Variants in TECPR2 observed in about 807,000 individuals in gnomAD.
TECPR2 encodes tectonin beta-propeller repeat-containing protein 2.
A neutral mutation model predicts 138.1 loss-of-function variants in TECPR2; 65 were observed. The observed-to-expected ratio is 0.47, with a 90% CI of 0.39 to 0.58. The LOEUF is 0.58. Ranked by LOEUF, TECPR2 falls within the 20% of genes least tolerant of loss-of-function variation. The probability of loss-of-function intolerance (pLI) is 0.00; values close to 1 mark genes in which losing one functional copy is unlikely to be tolerated. For synonymous variants in TECPR2, 746 were observed against 749.8 expected (o/e 0.99, Z 0.08); for missense variants, 1,553 against 1,824.5 (o/e 0.85, Z 2.71).
rs1161267667 is a variant in TECPR2 at position 102,501,336 on chromosome 14, G to C, written c.*3079G>C. 1 of 152,242 alleles carries C rather than the reference G, an allele frequency of 6.6e-6. No homozygotes were observed. The highest frequency in any genetic ancestry group is 1.5e-5 in the Non-Finnish European group (1 of 68,050). 9.4% of individuals were successfully genotyped at this position (152,242 alleles called of 1,614,324 possible). ...AGGCTTTCTAAACTCAAAAGTGATA[G>C]GACAAGCTACAGAGGAAAATAAGTA... On this transcript the variant is annotated 3_prime_UTR_variant, in exon 20 of 20. Transcript: ENST00000359520.
chr14:102,396,164 G>A (rs550872458), intron 2 of TECPR2, among the ~76,000 whole-genome samples: 2 of 150,368 alleles, frequency 1.3e-5, no homozygotes, highest in East Asian at 2.0e-4. Flanking sequence ...GTGCAGTGGC[G>A]CGATCTCAGC....
intron 17 of TECPR2, among the ~76,000 whole-genome samples, chr14:102,491,241 G>A (rs1233531090): frequency 3.9e-5 from 6 of 152,062 alleles, no homozygotes; most frequent in Non-Finnish European, 8.8e-5. Context: ...TATTACAGAG[G>A]GTCTTGCTCT....
Position 102,502,360 on chromosome 14 carries a change from T to C in TECPR2, c.*4103T>C, listed in dbSNP as rs534372366. Reference sequence around the variant, plus strand: ...TGAAAAGAAACAAGTTCTCTACTTGTGATCAGCAGCTGGTCATAGTGGTTG... The same window carrying C: ...TGAAAAGAAACAAGTTCTCTACTTGCGATCAGCAGCTGGTCATAGTGGTTG... On this transcript the variant is annotated 3_prime_UTR_variant, in exon 20 of 20. Transcript: ENST00000359520. The C allele has an allele frequency of 6.5e-6, 1 of 152,688 alleles. No individual in the cohort carries two copies. The highest frequency in any genetic ancestry group is 2.4e-5 in the African/African-American group (1 of 41,466). The allele number at this position is 152,688 out of a possible 1,614,324, so 9.5% of individuals were successfully genotyped here.
Position 102,476,927 on chromosome 14 carries a change from C to T in TECPR2, c.3789+11638C>T, listed in dbSNP as rs1466787500. Reference sequence around the variant, plus strand: ...AAAATTAGCTGGGTGCCTGTAGTCCCAGCTGCTCAAGAAGCTGAGGTGGGA... The same window carrying T: ...AAAATTAGCTGGGTGCCTGTAGTCCTAGCTGCTCAAGAAGCTGAGGTGGGA... On this transcript the variant is annotated intron_variant, in intron 17 of 19. Coordinates refer to ENST00000359520, the MANE Select transcript of TECPR2 (RefSeq NM_014844.5). Among the ~76,000 whole-genome samples, 4 of 152,248 alleles carry T rather than the reference C, an allele frequency of 2.6e-5. No individual in the cohort carries two copies. In the East Asian group the frequency reaches 7.7e-4, roughly 29 times the overall value.
chr14:102,476,016 G>A (rs1398956867), intron 17 of TECPR2, among the ~76,000 whole-genome samples: 4 of 151,930 alleles, frequency 2.6e-5, no homozygotes, highest in African/African-American at 7.3e-5. Context: ...GGAGTTGCCT[G>A]GCCAACATGG....
In TECPR2 at chr14:102,431,340, A is replaced by ATTT. The variant is rs35092221; in HGVS notation, c.1085-438_1085-436dup. Among the ~76,000 whole-genome samples the ATTT allele has an allele frequency of 3.1e-4, 35 of 111,732 alleles. 1 individual carries two copies. The highest frequency in any genetic ancestry group is 5.6e-4 in the South Asian group (2 of 3,588). The allele number at this position is 111,732 out of a possible 152,430, so 73.3% of individuals were successfully genotyped here. On this transcript the variant is annotated intron_variant, in intron 7 of 19. Coordinates refer to ENST00000359520, the MANE Select transcript of TECPR2 (RefSeq NM_014844.5). ...TGTATGATTCTTTTAGTTTTGGTGG[A>ATTT]TTTTTTTTTTTTTTTTTTTTGAGAC...
Position 102,418,104 on chromosome 14 carries a change from G to A in TECPR2, c.638+3311G>A, listed in dbSNP as rs186563234. On this transcript the variant is annotated intron_variant, in intron 5 of 19. Coordinates refer to ENST00000359520, the MANE Select transcript of TECPR2 (RefSeq NM_014844.5). ...CCTGTCAGGTGGCTGCGTGGGAGTC[G>A]CAGAAGAGAGTTCTGTGGACCGGTC... is the stretch of plus-strand genomic sequence containing the variant. Among the ~76,000 whole-genome samples, 26 of 152,242 alleles carry A rather than the reference G, an allele frequency of 1.7e-4. No individual in the cohort carries two copies. In the East Asian group the frequency reaches 1.7e-3, roughly 10 times the overall value.
At chr14:102,382,984 C>A (rs1887880418) in intron 2 of TECPR2, among the ~76,000 whole-genome samples, 1 of 152,156 alleles carries the variant, frequency 6.6e-6, no homozygotes, top group Non-Finnish European at 1.5e-5. Flanking sequence ...TCTCGAACGC[C>A]AGACTTCAGG....
At chr14:102,379,858 G>A (rs867087983) in intron 2 of TECPR2, among the ~76,000 whole-genome samples, 261 of 69,480 alleles carry the variant, frequency 3.8e-3, no homozygotes, top group Middle Eastern at 0.014. Flanking sequence ...GAAGATCACA[G>A]TCTTAAAATC....
intron 2 of TECPR2, among the ~76,000 whole-genome samples, chr14:102,393,639 A>C (rs1426573427): frequency 6.6e-6 from 1 of 151,930 alleles, no homozygotes; most frequent in Non-Finnish European, 1.5e-5. Context: ...GCTCACTGCA[A>C]CCTCCGCCTC....
chr14:102,430,260 C>T (rs1024377007), intron 7 of TECPR2, among the ~76,000 whole-genome samples: 3 of 152,200 alleles, frequency 2.0e-5, no homozygotes, highest in Admixed American at 6.5e-5. Context: ...AGGCATGAGC[C>T]ACCGCGCCCA....
In TECPR2 at chr14:102,369,600, A is replaced by AT. The variant is rs1366872015; in HGVS notation, c.-73+6490dup. 6.6e-5 allele frequency among the ~76,000 whole-genome samples: 10 copies of AT among 151,848 alleles called. No homozygotes were observed. The South Asian group carries it at 8.3e-4, about 13-fold the overall frequency. On this transcript the variant is annotated intron_variant, in intron 1 of 19. Coordinates refer to ENST00000359520, the MANE Select transcript of TECPR2 (RefSeq NM_014844.5). ...CCACCACACCTGGCTACTTTTTTGT[A>AT]TTTTTTGTAGAGACAGAGTTTTGTC...
intron 1 of TECPR2, 116 bp from the exon 2 acceptor site, chr14:102,376,534 T>C: frequency 1.7e-6 from 1 of 600,184 alleles, no homozygotes; most frequent in Admixed American, 3.0e-5. Context: ...TTTCCCTGTT[T>C]ATTTAAGCTC....
At chr14:102,445,666 C>G in intron 12 of TECPR2, 140 bp from the exon 13 acceptor site, 1 of 1,083,960 alleles carries the variant, frequency 9.2e-7, no homozygotes, top group Non-Finnish European at 1.3e-6. Context: ...ACTTCCTTCC[C>G]TGGCACCTGC....
chr14:102,397,122 C>T (rs1888335703), intron 2 of TECPR2, among the ~76,000 whole-genome samples: 1 of 152,108 alleles, frequency 6.6e-6, no homozygotes, highest in Non-Finnish European at 1.5e-5. Flanking sequence ...AAGGTATAGG[C>T]ACAGTAAAGA....
At chr14:102,479,016 CAAAA>C (rs34162369) in intron 17 of TECPR2, among the ~76,000 whole-genome samples, 13 of 102,078 alleles carry the variant, frequency 1.3e-4, no homozygotes, top group East Asian at 2.8e-4. Flanking sequence ...GGCCCTGTCT[CAAAA>C]AAAAAAAAAA....
chr14:102,381,215 C>T (rs1335006259), intron 2 of TECPR2, among the ~76,000 whole-genome samples: 1 of 152,188 alleles, frequency 6.6e-6, no homozygotes, highest in Non-Finnish European at 1.5e-5. Context: ...CTCGCTTCGG[C>T]CTCCCAAAAT....
chr14:102,411,717 A>AAC (rs1888874490), intron 4 of TECPR2, among the ~76,000 whole-genome samples: 1 of 137,684 alleles, frequency 7.3e-6, no homozygotes, highest in African/African-American at 2.7e-5. Flanking sequence ...AAAAAAAAAA[A>AAC]AAAAAAAAAA....
intron 8 of TECPR2, 90 bp downstream of exon 8, chr14:102,432,218 C>T: frequency 1.6e-6 from 2 of 1,273,294 alleles, no homozygotes; most frequent in Non-Finnish European, 2.1e-6. Flanking sequence ...GAGCAATGCT[C>T]CATACATCCA....
Sources: allele counts gnomAD v4.1 joint callset (sites outside exome capture counted in the v4.1 genomes callset), GRCh38; gene constraint gnomAD v4.1.1; transcripts MANE v1.5; gene names NCBI Gene and HGNC (gene_info 2026-07-23, HGNC 2026-07-21).